The following DNAH5 variants were observed in gnomAD, a reference collection of about 807,000 sequenced individuals.
DNAH5 encodes dynein axonemal heavy chain 5.
In DNAH5, 372 loss-of-function variants were observed where a neutral mutation model predicts 518.2. The ratio of observed to expected loss-of-function variants is 0.72; its 90% CI spans 0.66 to 0.78. The LOEUF is 0.78. Among genes scored for constraint, DNAH5 ranks in the 30% least tolerant of loss-of-function variants. The pLI is 0.00. For synonymous variants in DNAH5, 2,039 were observed against 2,025.9 expected (o/e 1.01, Z -0.17); for missense variants, 5,523 against 5,687.0 (o/e 0.97, Z 0.93).
intron 1 of DNAH5, among the ~76,000 whole-genome samples, chr5:13,998,012 T>A (rs1194270903): frequency 6.6e-6 from 1 of 152,040 alleles, no homozygotes; most frequent in African/African-American, 2.4e-5. Context: ...CCCAGCTAAT[T>A]TTTGTATCTT....
Position 13,714,586 on chromosome 5 carries a change from C to G in DNAH5, c.12944G>C (p.Gly4315Ala), listed in dbSNP as rs1338759362. ...LPAYDSPEVF[G>A]LHPNADITYQ... ...GGTGATGTCAGCATTGGGGTGCAGC[C>G]CAAACACCTCAGGGCTGTCATAGGC... The change falls in exon 75 of 79, where the codon GGG becomes GCG. Residue 4315 changes from glycine (G) to alanine (A), a missense_variant. Gly to Ala is a moderately conservative substitution (Grantham distance 60). Around this residue, in one of 3 missense-constraint regions of DNAH5, gnomAD observed 387 missense variants for 430.0 expected, o/e 0.90. Transcript: ENST00000265104. 5.0e-6 allele frequency: 8 copies of G among 1,614,072 alleles called. No homozygotes were observed. In the East Asian group the frequency reaches 1.1e-4, roughly 22 times the overall value.
exon 1 of DNAH5, among the ~76,000 whole-genome samples, chr5:14,011,794 C>T (rs1461019385): frequency 6.6e-6 from 1 of 152,210 alleles, no homozygotes; most frequent in African/African-American, 2.4e-5. Flanking sequence ...CGGCTGTTTG[C>T]TGCTCCTGCC....
chr5:13,981,063 C>T (rs1297122729), intron 1 of DNAH5, among the ~76,000 whole-genome samples: 2 of 152,204 alleles, frequency 1.3e-5, no homozygotes, highest in East Asian at 1.9e-4. Context: ...TCTCTGCAAC[C>T]TTCTCCAGCT....
At chr5:13,946,418 C>T (rs558710811), upstream of DNAH5, among the ~76,000 whole-genome samples, 14 of 152,230 alleles carry the variant, frequency 9.2e-5, no homozygotes, top group Admixed American at 2.0e-4. Flanking sequence ...TCTTCTTGAG[C>T]GCTCAGGCTC....
intron 65 of DNAH5, among the ~76,000 whole-genome samples, chr5:13,738,938 C>T (rs929542785): frequency 1.3e-5 from 2 of 152,034 alleles, no homozygotes; most frequent in Admixed American, 6.6e-5. Context: ...TGACAATTTG[C>T]CTATGTTTAA....
At chr5:13,891,388 A>C (rs1773195395) in intron 16 of DNAH5, among the ~76,000 whole-genome samples, 1 of 152,114 alleles carries the variant, frequency 6.6e-6, no homozygotes, top group African/African-American at 2.4e-5. Flanking sequence ...TCTTATTATA[A>C]AGTTTTTATA....
chr5:13,822,542 C>T (rs957542474), intron 40 of DNAH5, among the ~76,000 whole-genome samples: 2 of 152,230 alleles, frequency 1.3e-5, no homozygotes, highest in Non-Finnish European at 2.9e-5. Flanking sequence ...TGAGCCACCA[C>T]ACCTGGCCAC....
intron 1 of DNAH5, among the ~76,000 whole-genome samples, chr5:13,999,528 AT>A (rs1362813328): frequency 6.6e-6 from 1 of 152,222 alleles, no homozygotes; most frequent in Non-Finnish European, 1.5e-5. Context: ...AATTTCCTTC[AT>A]TTTAAAACTG....
intron 1 of DNAH5, among the ~76,000 whole-genome samples, chr5:13,991,805 C>A (rs751265696): frequency 1.3e-5 from 2 of 152,104 alleles, no homozygotes; most frequent in African/African-American, 2.4e-5. Context: ...GGGAAGAGAA[C>A]TATTTCTTTT....
At chr5:13,744,589 G>A (rs1290223345) in intron 65 of DNAH5, among the ~76,000 whole-genome samples, 2 of 151,910 alleles carry the variant, frequency 1.3e-5, no homozygotes, top group African/African-American at 4.8e-5. Context: ...ATATCACTAT[G>A]TACCCCATAA....
Position 13,868,121 on chromosome 5 carries a change from T to A in DNAH5, c.3835-129A>T. ...AAACTACCCTGAGAGTTCTAGTTATTCTACTTCAAACCGCAAGAGGTTAAC... is the reference window on the plus strand; with the variant it reads ...AAACTACCCTGAGAGTTCTAGTTATACTACTTCAAACCGCAAGAGGTTAAC... On this transcript the variant is annotated intron_variant, in intron 24 of 78. Transcript: ENST00000265104. 3.8e-6 allele frequency: 3 copies of A among 793,152 alleles called. No homozygotes were observed. In the South Asian group the frequency reaches 4.6e-5, roughly 12 times the overall value. 49.1% of individuals were successfully genotyped at this position (793,152 alleles called of 1,614,324 possible).
At chr5:13,927,970 C>T in intron 3 of DNAH5, 124 bp downstream of exon 3, 1 of 753,434 alleles carries the variant, frequency 1.3e-6, no homozygotes, top group Non-Finnish European at 2.3e-6. Context: ...TGGACCCACA[C>T]ACGCATCTCC....
chr5:13,928,119 A>C lies in DNAH5; in HGVS notation c.252T>G (p.Tyr84Ter), dbSNP rs754982008. 6.8e-6 allele frequency: 11 copies of C among 1,613,864 alleles called. No individual in the cohort carries two copies. Among genetic ancestry groups the C allele is most frequent in the African/African-American group, 1.3e-5 (1 of 74,918 alleles). ...VGGLRHLMFY[Y>*]QDVEEAETGQ... ...CTGTTTCTGCTTCCTCCACATCTTGATAGTAAAACATGAGGTGTCGGAGAC... is the reference window on the plus strand; with the variant it reads ...CTGTTTCTGCTTCCTCCACATCTTGCTAGTAAAACATGAGGTGTCGGAGAC... Residue 84 changes from tyrosine to a stop codon, truncating the protein, a stop_gained, in exon 3 of 79, where the codon TAT becomes TAG. Transcript: ENST00000265104. LOFTEE classifies it high-confidence loss of function.
In DNAH5 at chr5:13,823,319, T is replaced by C. The variant is rs763041865; in HGVS notation, c.6631A>G (p.Asn2211Asp). Residue 2211 changes from asparagine to aspartate, a missense_variant, in exon 40 of 79, where the codon AAT becomes GAT. Coordinates refer to ENST00000265104, the MANE Select transcript of DNAH5 (RefSeq NM_001369.3). ...FLSLIEDLFP[N>D]ILLDKAGYPE... ...TAACCTGCCTTGTCCAGAAGAATAT[T>C]TGGAAAGAGATCTTCAATCAAACTC... The C allele has an allele frequency of 2.5e-6, 4 of 1,613,918 alleles. No homozygotes were observed. Among genetic ancestry groups the C allele is most frequent in the East Asian group, 4.5e-5 (2 of 44,896 alleles).
At chr5:13,974,638 G>C (rs1248404353) in intron 1 of DNAH5, among the ~76,000 whole-genome samples, 1 of 152,138 alleles carries the variant, frequency 6.6e-6, no homozygotes, top group Non-Finnish European at 1.5e-5. Context: ...TTCATGCCCA[G>C]GGAGGCTGAA....
chr5:13,774,122 T>A (rs6554814), intron 55 of DNAH5, among the ~76,000 whole-genome samples: 46,211 of 151,964 alleles, frequency 0.3, 7,512 homozygotes, highest in South Asian at 0.42. Context: ...TTTTACCGTT[T>A]TTCTGTCTGC....
chr5:13,758,475 A>G (rs942956739), intron 61 of DNAH5, among the ~76,000 whole-genome samples: 2 of 152,222 alleles, frequency 1.3e-5, no homozygotes, highest in African/African-American at 4.8e-5. Context: ...AGCCTGGACG[A>G]CAGAGCAATA....
intron 72 of DNAH5, among the ~76,000 whole-genome samples, chr5:13,717,945 T>C (rs1428189256): frequency 6.6e-6 from 1 of 152,148 alleles, no homozygotes; most frequent in East Asian, 1.9e-4. Flanking sequence ...TAGAAGCCCT[T>C]TGCACCTGAG....
At chr5:13,718,747 C>T (rs1744637424) in intron 72 of DNAH5, 135 bp downstream of exon 72, 2 of 753,582 alleles carry the variant, frequency 2.7e-6, no homozygotes, top group East Asian at 5.4e-5. Context: ...CAAAAGAGGA[C>T]CATCACCTCC....
Sources: allele counts gnomAD v4.1 joint callset (sites outside exome capture counted in the v4.1 genomes callset), GRCh38; gene constraint gnomAD v4.1.1; regional missense constraint gnomAD v4.1.1; transcripts MANE v1.5; gene names NCBI Gene and HGNC (gene_info 2026-07-23, HGNC 2026-07-21).